CNTLN: variants seen among roughly 807,000 people sequenced by gnomAD.
The protein encoded by CNTLN is centlein, centrosomal protein.
A neutral mutation model predicts 180.0 loss-of-function variants in CNTLN; 212 were observed. That is an observed-to-expected ratio of 1.18 (90% CI 1.05 to 1.32). The LOEUF (loss-of-function observed/expected upper bound fraction) is 1.32. Among genes scored for constraint, CNTLN ranks in the 40% most tolerant of loss-of-function variants. The probability of loss-of-function intolerance (pLI) is 0.00; values close to 1 mark genes in which losing one functional copy is unlikely to be tolerated. For synonymous variants in CNTLN, 722 were observed against 563.1 expected, an observed-to-expected ratio of 1.28 and a Z score of -3.99; for missense variants, 2,095 against 1,610.9, an observed-to-expected ratio of 1.30 and a Z score of -5.14.
At chr9:17,526,598 T>C in the CNTLN span, among the ~76,000 whole-genome samples, 1 of 152,178 alleles carries the variant, frequency 6.6e-6, no homozygotes, top group East Asian at 1.9e-4. Context: ...CAAATATTTT[T>C]CTCTTTTACT....
At chr9:17,222,884 ATG>A (rs1563897514) in intron 2 of CNTLN, among the ~76,000 whole-genome samples, 1 of 151,952 alleles carries the variant, frequency 6.6e-6, no homozygotes, top group East Asian at 1.9e-4. Context: ...TAATCTATAA[ATG>A]TTGAAATGTT....
intron 23 of CNTLN, among the ~76,000 whole-genome samples, chr9:17,467,784 C>T (rs986162769): frequency 2.6e-5 from 4 of 151,618 alleles, no homozygotes. Flanking sequence ...GACTTATACC[C>T]TGCTGGTGGG....
At chr9:17,178,482 C>T (rs1453448914) in intron 2 of CNTLN, among the ~76,000 whole-genome samples, 3 of 152,086 alleles carry the variant, frequency 2.0e-5, no homozygotes, top group Admixed American at 1.3e-4. Context: ...GTTAGGGAGG[C>T]TCGGGCTGCC....
At chr9:17,420,969 G>C (rs79681093) in intron 18 of CNTLN, among the ~76,000 whole-genome samples, 1 of 152,038 alleles carries the variant, frequency 6.6e-6, no homozygotes, top group Non-Finnish European at 1.5e-5. Context: ...GATTTGTTTT[G>C]TGGCCTAACA....
At chr9:17,382,581 T>C (rs574473939) in intron 13 of CNTLN, among the ~76,000 whole-genome samples, 1 of 152,308 alleles carries the variant, frequency 6.6e-6, no homozygotes, top group South Asian at 2.1e-4. Flanking sequence ...TAATGCACAG[T>C]CATTAATCTG....
At chr9:17,405,538 C>G (rs1003696923) in intron 15 of CNTLN, among the ~76,000 whole-genome samples, 1 of 151,612 alleles carries the variant, frequency 6.6e-6, no homozygotes, top group African/African-American at 2.4e-5. Context: ...AACAAACTCA[C>G]TCCCATGATA....
chr9:17,412,306 A>C (rs1827909726), intron 16 of CNTLN, among the ~76,000 whole-genome samples: 1 of 152,204 alleles, frequency 6.6e-6, no homozygotes, highest in African/African-American at 2.4e-5. Flanking sequence ...TGAAGTTCTA[A>C]TACTTGAAAT....
intron 16 of CNTLN, 30 bp from the exon 17 acceptor site, chr9:17,415,758 A>G (rs772372507): frequency 1.5e-6 from 2 of 1,291,188 alleles, no homozygotes; most frequent in East Asian, 2.3e-5. Flanking sequence ...TTGAAGAATA[A>G]TACCATTTTT....
chr9:17,294,342 TTTACAGAGAGCTGATTGGTC>T (rs1817638784), intron 6 of CNTLN, among the ~76,000 whole-genome samples: 1 of 151,946 alleles, frequency 6.6e-6, no homozygotes, highest in South Asian at 2.1e-4. Context: ...GCCGATTGGT[TTTACAGAGAGCTGATTGGTC>T]CATTTTGACA....
chr9:17,388,262 A>G lies in CNTLN; in HGVS notation c.2079+9A>G, dbSNP rs746179383. On this transcript the variant is annotated intron_variant, in intron 14 of 25. Transcript: ENST00000380647. Reference sequence around the variant, plus strand: ...AGCAGACATTACAGAAGGTAGTCTAATCTTTAAGATATTGAGCTGAGCAAG... The same window carrying G: ...AGCAGACATTACAGAAGGTAGTCTAGTCTTTAAGATATTGAGCTGAGCAAG... The G allele has an allele frequency of 3.8e-5, 59 of 1,562,986 alleles. No individual in the cohort carries two copies. Among genetic ancestry groups the G allele is most frequent in the Middle Eastern group, 1.7e-4 (1 of 5,958 alleles).
intron 5 of CNTLN, among the ~76,000 whole-genome samples, chr9:17,267,254 C>T (rs1031976415): frequency 4.6e-5 from 7 of 152,072 alleles, no homozygotes; most frequent in Non-Finnish European, 7.4e-5. Context: ...AATCTCTCAG[C>T]ATTTGTTTGT....
intron 5 of CNTLN, among the ~76,000 whole-genome samples, chr9:17,270,962 TTTTTTTGA>T (rs1827896744): frequency 7.7e-6 from 1 of 130,592 alleles, no homozygotes; most frequent in Non-Finnish European, 1.7e-5. Context: ...TTTTTTTTTT[TTTTTTTGA>T]GACAGAGTCT....
intron 4 of CNTLN, 66 bp downstream of exon 4, chr9:17,235,858 C>A (rs1050798750): frequency 2.7e-6 from 4 of 1,504,140 alleles, no homozygotes; most frequent in Non-Finnish European, 8.9e-7. Context: ...GCTTTGTTAG[C>A]CTTTGTGGCA....
chr9:17,186,509 T>A (rs1821443109), intron 2 of CNTLN, among the ~76,000 whole-genome samples: 1 of 152,210 alleles, frequency 6.6e-6, no homozygotes, highest in Non-Finnish European at 1.5e-5. Flanking sequence ...ACATTGTATA[T>A]GATTTTGGAT....
chr9:17,279,094 T>C (rs1393390293), intron 6 of CNTLN, among the ~76,000 whole-genome samples: 2 of 151,550 alleles, frequency 1.3e-5, no homozygotes, highest in South Asian at 2.1e-4. Flanking sequence ...CATGTTATTA[T>C]TTTTTTTTAA....
intron 10 of CNTLN, among the ~76,000 whole-genome samples, chr9:17,336,348 A>G (rs568742742): frequency 5.9e-5 from 9 of 152,292 alleles, no homozygotes; most frequent in African/African-American, 2.2e-4. Flanking sequence ...TTCTGGCGCC[A>G]TTAAAATGAA....
At chr9:17,308,576 T>G (rs1213093865) in intron 7 of CNTLN, among the ~76,000 whole-genome samples, 1 of 152,228 alleles carries the variant, frequency 6.6e-6, no homozygotes, top group South Asian at 2.1e-4. Flanking sequence ...TAAACTGATA[T>G]ACCTTGTGCT....
At position 17,464,638 on chromosome 9, in the gene CNTLN, C is replaced by G; in HGVS notation, c.3531+15C>G. The G allele has an allele frequency of 2.9e-6, 4 of 1,379,034 alleles. No individual in the cohort carries two copies. Among genetic ancestry groups the G allele is most frequent in the Non-Finnish European group, 3.9e-6 (4 of 1,022,948 alleles). The allele number at this position is 1,379,034 out of a possible 1,614,324, so 85.4% of individuals were successfully genotyped here. A position where few individuals can be genotyped will look rare whatever the true frequency, so the allele number is the denominator to read the frequency against. ...TTGATAAAAAGGTATCAATTTTTAT[C>G]TTTACTGACACTAAAAATATCACTT... On this transcript the variant is annotated intron_variant, in intron 21 of 25. Coordinates refer to ENST00000380647, the MANE Select transcript of CNTLN (RefSeq NM_017738.4).
rs1178991308 is a variant in CNTLN, at chr9:17,298,197, C to T, written c.991C>T (p.Leu331=). The change falls in exon 7 of 26, where the codon CTG becomes TTG. Residue 331 remains leucine (L), a synonymous_variant. Coordinates refer to ENST00000380647, the MANE Select transcript of CNTLN (RefSeq NM_017738.4). ...ATTGCTTGCTTTGCACAGGAAGGAA[C>T]TGCAGGAGCTGCAGAATCTTTACAA... The part of the protein sequence containing the change: ...DMDITLVRKE[L]QELQNLYKQN... The T allele has an allele frequency of 2.0e-6, 3 of 1,517,738 alleles. No homozygotes were observed. The East Asian group carries it at 7.3e-5, about 37-fold the overall frequency. The allele number at this position is 1,517,738 out of a possible 1,614,324, so 94.0% of individuals were successfully genotyped here.
Sources: allele counts gnomAD v4.1 joint callset (sites outside exome capture counted in the v4.1 genomes callset), GRCh38; gene constraint gnomAD v4.1.1; transcripts MANE v1.5; gene names NCBI Gene and HGNC (gene_info 2026-07-23, HGNC 2026-07-21).